Variants in TLN2 observed in about 807,000 individuals in gnomAD.
TLN2 encodes the protein talin-2.
TLN2 carries 118 observed loss-of-function variants against 294.7 expected under a neutral mutation model. The observed-to-expected ratio is 0.40, with a 90% CI of 0.34 to 0.47. The LOEUF (loss-of-function observed/expected upper bound fraction) is 0.47, where lower values mean the gene tolerates loss of function less well. TLN2 is among the 20% of genes least tolerant of loss of function. The probability of loss-of-function intolerance (pLI) is 0.84; values close to 1 mark genes in which losing one functional copy is unlikely to be tolerated. For synonymous variants in TLN2, 1,431 were observed against 1,304.5 expected (o/e 1.10, Z -2.09); for missense variants, 3,083 against 3,282.2 (o/e 0.94, Z 1.48).
intron 30 of TLN2, 128 bp from the exon 31 acceptor site, chr15:62,739,220 C>T (rs950169316): frequency 5.7e-6 from 6 of 1,056,964 alleles, no homozygotes; most frequent in Non-Finnish European, 5.4e-6. Context: ...TCAGATGACT[C>T]AGAGCCTTTT....
intron 9 of TLN2, among the ~76,000 whole-genome samples, chr15:62,661,262 ATAGAAT>A (rs2053793536): frequency 1.3e-5 from 2 of 152,138 alleles, no homozygotes; most frequent in Admixed American, 1.3e-4. Flanking sequence ...GGTGACAGAT[ATAGAAT>A]GTTAGTACAC....
At chr15:62,578,056 G>A (rs963054026) in intron 1 of TLN2, among the ~76,000 whole-genome samples, 2 of 152,148 alleles carry the variant, frequency 1.3e-5, no homozygotes, top group African/African-American at 4.8e-5. Context: ...GTATTCCATG[G>A]TGTATATGTG....
chr15:62,768,691 T>C (rs1326102458), intron 41 of TLN2, among the ~76,000 whole-genome samples: 1 of 152,220 alleles, frequency 6.6e-6, no homozygotes, highest in Non-Finnish European at 1.5e-5. Context: ...ATGTTTCCTG[T>C]TCTGTCATGT....
At chr15:62,558,776 C>T (rs1441634410) in intron 1 of TLN2, among the ~76,000 whole-genome samples, 1 of 152,002 alleles carries the variant, frequency 6.6e-6, no homozygotes, top group Non-Finnish European at 1.5e-5. Flanking sequence ...CTGCAGATAA[C>T]GGCTAGTTAG....
intron 1 of TLN2, among the ~76,000 whole-genome samples, chr15:62,571,787 G>T (rs959417695): frequency 6.6e-6 from 1 of 152,106 alleles, no homozygotes; most frequent in African/African-American, 2.4e-5. Context: ...ACATATTTCA[G>T]TATACAACTC....
intron 3 of TLN2, among the ~76,000 whole-genome samples, chr15:62,640,687 C>T (rs987004558): frequency 1.3e-5 from 2 of 152,186 alleles, no homozygotes; most frequent in African/African-American, 2.4e-5. Context: ...TTAGCTGCTT[C>T]GCACACACAC....
intron 1 of TLN2, among the ~76,000 whole-genome samples, chr15:62,448,396 G>A (rs1028419993): frequency 6.6e-6 from 1 of 152,230 alleles, no homozygotes; most frequent in African/African-American, 2.4e-5. Flanking sequence ...GAAGGATCCA[G>A]GGAGGAAAGA....
chr15:62,403,665 C>A (rs1392259738), intron 1 of TLN2, among the ~76,000 whole-genome samples: 1 of 152,200 alleles, frequency 6.6e-6, no homozygotes, highest in East Asian at 1.9e-4. Context: ...AACCCTTCCA[C>A]TGGCTTCCAT....
chr15:62,777,022 A>G, intron 43 of TLN2, 112 bp downstream of exon 43: 1 of 1,037,816 alleles, frequency 9.6e-7, no homozygotes, highest in South Asian at 4.2e-5. Context: ...CTTTTCTTGA[A>G]GGTTCTAGTT....
intron 12 of TLN2, among the ~76,000 whole-genome samples, chr15:62,689,195 C>A (rs2057562532): frequency 6.6e-6 from 1 of 151,114 alleles, no homozygotes; most frequent in South Asian, 2.1e-4. Context: ...TTGGATATTA[C>A]CATGTCCATA....
chr15:62,729,768 G>T (rs2060618655), intron 28 of TLN2, among the ~76,000 whole-genome samples: 1 of 152,018 alleles, frequency 6.6e-6, no homozygotes, highest in Admixed American at 6.6e-5. Context: ...GTTGGGGTTC[G>T]AGTCTATCAT....
At chr15:62,812,951 G>A (rs2066807691) in intron 52 of TLN2, among the ~76,000 whole-genome samples, 1 of 152,218 alleles carries the variant, frequency 6.6e-6, no homozygotes. Flanking sequence ...GTCAACATCA[G>A]CCCTGATGGT....
At chr15:62,763,512 T>A in intron 39 of TLN2, 51 bp from the exon 40 acceptor site, 1 of 1,559,102 alleles carries the variant, frequency 6.4e-7, no homozygotes, top group Non-Finnish European at 8.7e-7. Context: ...GAGCAGGCTG[T>A]GGGACTTGAG....
At chr15:62,495,243 T>C (rs2038956729) in intron 1 of TLN2, among the ~76,000 whole-genome samples, 1 of 152,174 alleles carries the variant, frequency 6.6e-6, no homozygotes, top group South Asian at 2.1e-4. Flanking sequence ...GACCTAAGAA[T>C]AGAGAGATGA....
chr15:62,720,477 T>C (rs145018756), intron 25 of TLN2, among the ~76,000 whole-genome samples: 2,713 of 152,342 alleles, frequency 0.018, 32 homozygotes, highest in Non-Finnish European at 0.027. Context: ...GCAGTTGATA[T>C]TATGAGGTGG....
intron 1 of TLN2, among the ~76,000 whole-genome samples, chr15:62,581,636 T>C (rs574366904): frequency 2.6e-5 from 4 of 152,300 alleles, no homozygotes; most frequent in Non-Finnish European, 4.4e-5. Flanking sequence ...TGAAAGCCTT[T>C]GTTTGCTTTG....
At chr15:62,644,166 G>A (rs892406471) in intron 3 of TLN2, among the ~76,000 whole-genome samples, 1 of 26,114 alleles carries the variant, frequency 3.8e-5, no homozygotes, top group African/African-American at 1.6e-4. Context: ...CCACCGCCCC[G>A]CCCCCATCCC....
chr15:62,836,802 C>T (rs7162684), intron 57 of TLN2, among the ~76,000 whole-genome samples: 68 of 152,292 alleles, frequency 4.5e-4, no homozygotes, highest in African/African-American at 1.6e-3. Context: ...GCTTTCTGTT[C>T]GTTTTTATCT....
At chr15:62,395,691 C>T (rs927567198) in intron 1 of TLN2, among the ~76,000 whole-genome samples, 3 of 151,890 alleles carry the variant, frequency 2.0e-5, no homozygotes, top group Admixed American at 6.6e-5. Flanking sequence ...AACAAATGTT[C>T]ATCAGTAAAA....
Sources: gnomAD v4.1 joint callset for allele counts (sites outside exome capture counted in the v4.1 genomes callset) on GRCh38, gnomAD v4.1.1 for gene constraint, MANE v1.5 for transcripts, NCBI Gene and HGNC (gene_info 2026-07-23, HGNC 2026-07-21) for gene names.